The following SPAG16 variants were observed in gnomAD, a reference collection of about 807,000 sequenced individuals.
SPAG16 encodes sperm associated antigen 16.
SPAG16 carries 86 observed loss-of-function variants against 80.4 expected under a neutral mutation model. That is an observed-to-expected ratio of 1.07 (90% CI 0.90 to 1.28). The LOEUF (loss-of-function observed/expected upper bound fraction) is 1.28, where lower values mean the gene tolerates loss of function less well. SPAG16 is among the 50% of genes most tolerant of loss of function. SPAG16 has a pLI of 0.00. For missense variants in SPAG16, 870 were observed against 765.3 expected, an observed-to-expected ratio of 1.14 and a Z score of -1.61; for synonymous variants, 294 against 265.9, an observed-to-expected ratio of 1.11 and a Z score of -1.03.
rs3043764 is a variant in SPAG16 at position 214,149,096 on chromosome 2, T to TATATATATATATATAC, written c.1594-43_1594-42insTATATATATATATACA. The stretch of plus-strand genomic sequence containing the variant: ...GTGTGTGTATATATATATATATATA[T>TATATATATATATATAC]ACATACATACACATTTTATTTTTGT... On this transcript the variant is annotated intron_variant, in intron 14 of 15. Transcript: ENST00000331683. 6.3e-4 allele frequency: 474 copies of TATATATATATATATAC among 750,226 alleles called. 8 individuals carry two copies. In the Admixed American group the frequency reaches 9.4e-3, roughly 15 times the overall value. The allele number at this position is 750,226 out of a possible 1,614,324, so 46.5% of individuals were successfully genotyped here.
intron 10 of SPAG16, among the ~76,000 whole-genome samples, chr2:213,747,734 G>A (rs2067893396): frequency 6.6e-6 from 1 of 152,168 alleles, no homozygotes; most frequent in Non-Finnish European, 1.5e-5. Context: ...ACTCAATGAT[G>A]TTCGAAGAAG....
At chr2:214,402,477 G>GA (rs1701764679) in intron 15 of SPAG16, among the ~76,000 whole-genome samples, 1 of 143,646 alleles carries the variant, frequency 7.0e-6, no homozygotes, top group Non-Finnish European at 1.5e-5. Flanking sequence ...AACAAGAACT[G>GA]TTTTTTTTTT....
intron 15 of SPAG16, among the ~76,000 whole-genome samples, chr2:214,182,784 G>T (rs1433901695): frequency 6.6e-6 from 1 of 151,812 alleles, no homozygotes; most frequent in African/African-American, 2.4e-5. Context: ...CTTACAAGGT[G>T]CCAGAATCAT....
chr2:213,377,743 A>G (rs2066949308), intron 9 of SPAG16, among the ~76,000 whole-genome samples: 1 of 152,104 alleles, frequency 6.6e-6, no homozygotes, highest in Non-Finnish European at 1.5e-5. Context: ...ATTAAAGACG[A>G]ATGGAAGAGT....
intron 5 of SPAG16, among the ~76,000 whole-genome samples, chr2:213,339,885 A>G (rs76401622): frequency 0.014 from 2,178 of 152,262 alleles, 25 homozygotes; most frequent in South Asian, 0.038. Context: ...TACTTTGGAC[A>G]TGTTCTGGCA....
intron 12 of SPAG16, among the ~76,000 whole-genome samples, chr2:214,010,250 A>G (rs2047219905): frequency 6.8e-6 from 1 of 146,322 alleles, no homozygotes; most frequent in Admixed American, 6.7e-5. Context: ...AATAAACATA[A>G]TTGAGAGTTA....
intron 12 of SPAG16, among the ~76,000 whole-genome samples, chr2:213,953,331 A>G (rs2043950273): frequency 6.6e-6 from 1 of 151,942 alleles, no homozygotes; most frequent in South Asian, 2.1e-4. Flanking sequence ...AAAATATTTT[A>G]ACATCCAAAG....
chr2:214,036,950 ATTATT>A (rs2125072785), intron 13 of SPAG16, among the ~76,000 whole-genome samples: 1 of 151,678 alleles, frequency 6.6e-6, no homozygotes, highest in South Asian at 2.1e-4. Flanking sequence ...TTTTTGTTTT[ATTATT>A]TTCTTTTTTG....
At chr2:213,612,748 G>T (rs974312414) in intron 10 of SPAG16, among the ~76,000 whole-genome samples, 2 of 152,018 alleles carry the variant, frequency 1.3e-5, no homozygotes, top group African/African-American at 2.4e-5. Context: ...CCAAGGCCCC[G>T]TTTCAGCTCA....
intron 9 of SPAG16, among the ~76,000 whole-genome samples, chr2:213,430,051 A>T (rs1251835407): frequency 6.6e-6 from 1 of 152,240 alleles, no homozygotes. Flanking sequence ...AAGAAGATCA[A>T]TGAGTTGCAA....
chr2:214,177,684 A>G (rs1234040613), intron 15 of SPAG16, among the ~76,000 whole-genome samples: 4 of 150,310 alleles, frequency 2.7e-5, no homozygotes, highest in African/African-American at 9.7e-5. Context: ...TCCGTTGTAC[A>G]TTGATGTGTT....
intron 9 of SPAG16, among the ~76,000 whole-genome samples, chr2:213,443,667 C>T (rs2071123321): frequency 6.6e-6 from 1 of 152,118 alleles, no homozygotes; most frequent in Non-Finnish European, 1.5e-5. Flanking sequence ...GGCATATACC[C>T]AGCAGAAGGA....
intron 10 of SPAG16, among the ~76,000 whole-genome samples, chr2:213,853,272 A>T (rs1325604973): frequency 6.6e-6 from 1 of 152,144 alleles, no homozygotes; most frequent in Non-Finnish European, 1.5e-5. Context: ...CTAACAGTGG[A>T]TTCTTATGTC....
intron 14 of SPAG16, among the ~76,000 whole-genome samples, chr2:214,141,419 A>T (rs1245783646): frequency 1.3e-5 from 2 of 151,718 alleles, no homozygotes; most frequent in African/African-American, 2.4e-5. Flanking sequence ...ATGAGCCCAG[A>T]TCAGGCCACT....
intron 13 of SPAG16, among the ~76,000 whole-genome samples, chr2:214,098,622 G>A (rs571468629): frequency 1.3e-5 from 2 of 152,136 alleles, no homozygotes; most frequent in South Asian, 2.1e-4. Context: ...AATCTCTTTC[G>A]TTTAAGCCAC....
At chr2:213,593,826 G>C (rs1415059446) in intron 10 of SPAG16, among the ~76,000 whole-genome samples, 1 of 128,090 alleles carries the variant, frequency 7.8e-6, no homozygotes, top group Non-Finnish European at 1.6e-5. Flanking sequence ...CCAGGCTGGA[G>C]TGCAGTGTAG....
In SPAG16 at chr2:214,402,961, A is replaced by C. The variant is rs1019011682; in HGVS notation, c.1721-7179A>C. Among the ~76,000 whole-genome samples, 10 of 151,606 alleles carry C rather than the reference A, an allele frequency of 6.6e-5. No individual in the cohort carries two copies. In the East Asian group the frequency reaches 1.8e-3, roughly 27 times the overall value. ...AACTGGAGTGGCACACTCAAGAGAGATTTTGATAGACACATCTCTCCATCA... is the reference window on the plus strand; with the variant it reads ...AACTGGAGTGGCACACTCAAGAGAGCTTTTGATAGACACATCTCTCCATCA... On this transcript the variant is annotated intron_variant, in intron 15 of 15. Transcript: ENST00000331683.
intron 9 of SPAG16, among the ~76,000 whole-genome samples, chr2:213,474,796 T>C (rs1575686514): frequency 6.6e-6 from 1 of 152,166 alleles, no homozygotes; most frequent in Admixed American, 6.5e-5. Context: ...ATAGGAGATA[T>C]ACTGGCAGCT....
At chr2:213,904,392 A>G (rs1327445981) in intron 11 of SPAG16, among the ~76,000 whole-genome samples, 3 of 152,132 alleles carry the variant, frequency 2.0e-5, no homozygotes, top group Non-Finnish European at 4.4e-5. Context: ...AGGAAGATGC[A>G]AAAGCGGAAA....
Sources: gnomAD v4.1 joint callset for allele counts (sites outside exome capture counted in the v4.1 genomes callset) on GRCh38, gnomAD v4.1.1 for gene constraint, MANE v1.5 for transcripts, NCBI Gene and HGNC (gene_info 2026-07-23, HGNC 2026-07-21) for gene names.